ELAC2: variants seen among roughly 807,000 people sequenced by gnomAD.
ELAC2 encodes zinc phosphodiesterase ELAC protein 2.
Under a neutral mutation model 105.2 loss-of-function variants are expected in ELAC2, and 92 were observed. That is an observed-to-expected ratio of 0.87 (90% CI 0.74 to 1.04). The LOEUF (loss-of-function observed/expected upper bound fraction) is 1.04. Among genes scored for constraint, ELAC2 ranks in the 50% least tolerant of loss-of-function variants. The pLI, the probability that ELAC2 is intolerant of heterozygous loss-of-function variation, is 0.00. For synonymous variants in ELAC2, 468 were observed against 409.1 expected (o/e 1.14, Z -1.74); for missense variants, 1,099 against 1,071.7 (o/e 1.03, Z -0.36).
chr17:12,993,849 A>G lies in ELAC2; in HGVS notation c.2109-18T>C. ...ACGTTGTGCTGCAGGTGAAGGACAG[A>G]GCAGACTGAAGCTGAACTCAACTGC... On this transcript the variant is annotated intron_variant, in intron 22 of 23. Coordinates refer to ENST00000338034, the MANE Select transcript of ELAC2 (RefSeq NM_018127.7). The G allele has an allele frequency of 3.7e-6, 6 of 1,614,120 alleles. No homozygotes were observed. The highest frequency in any genetic ancestry group is 5.1e-6 in the Non-Finnish European group (6 of 1,180,012).
intron 14 of ELAC2, among the ~76,000 whole-genome samples, chr17:13,001,574 G>C (rs2143600114): frequency 6.6e-6 from 1 of 152,148 alleles, no homozygotes; most frequent in East Asian, 1.9e-4. Context: ...TCACTTTCCT[G>C]GTTGGATTGT....
At position 13,017,087 on chromosome 17, in the gene ELAC2, G is replaced by A. The variant is rs1332530665; in HGVS notation, c.280C>T (p.Leu94Phe). ...CTGACTCACTTGTGCTCCTGCATGAGTCTCTGAACGCCTTCTCCACAGTTG... is the reference window on the plus strand; with the variant it reads ...CTGACTCACTTGTGCTCCTGCATGAATCTCTGAACGCCTTCTCCACAGTTG... ...LFNCGEGVQR[L>F]MQEHKLKVAR... The change falls in exon 2 of 24, where the codon CTC becomes TTC. Residue 94 changes from leucine (L) to phenylalanine (F), a missense_variant. Coordinates refer to ENST00000338034, the MANE Select transcript of ELAC2 (RefSeq NM_018127.7). 6.2e-7 allele frequency: 1 copy of A among 1,613,952 alleles called. No homozygotes were observed. The highest frequency in any genetic ancestry group is 1.7e-5 in the Admixed American group (1 of 59,992).
At chr17:13,001,830 A>G (rs1157366801) in intron 14 of ELAC2, among the ~76,000 whole-genome samples, 1 of 152,256 alleles carries the variant, frequency 6.6e-6, no homozygotes, top group Non-Finnish European at 1.5e-5. Flanking sequence ...CTGTTTAGTG[A>G]TACAGGAAAA....
intron 8 of ELAC2, among the ~76,000 whole-genome samples, chr17:13,009,331 T>G (rs922434791): frequency 6.6e-6 from 1 of 152,224 alleles, no homozygotes; most frequent in Non-Finnish European, 1.5e-5. Flanking sequence ...AAAAATAATC[T>G]AAGCCCACAA....
rs752535379 is a variant in ELAC2, at chr17:12,995,953, C to A, written c.1685G>T (p.Arg562Ile). Residue 562 changes from arginine to isoleucine, a missense_variant, in exon 18 of 24, where the codon AGA becomes ATA. Physicochemically the swap from Arg to Ile is moderately conservative, Grantham distance 97. Transcript: ENST00000338034. ...HTGLPSILLQ[R>I]ERALASLGKP... is the part of the protein sequence containing the mutation. ...TGCCACACTTACCAAGGCGCGTTCT[C>A]TCTGCAGCAAGATACTTGGCAAGCC... 1 of 1,596,606 alleles carries A rather than the reference C, an allele frequency of 6.3e-7. No homozygotes were observed.
rs746908751 is a variant in ELAC2 at position 13,000,288 on chromosome 17, G to C, written c.1305-14C>G. The stretch of plus-strand genomic sequence containing the variant: ...ATAATGGCATCCCTGCAGGAAGAGA[G>C]AGAAGCATCTCAGGTGACGGACAGG... On this transcript the variant is annotated splice_polypyrimidine_tract_variant and intron_variant, in intron 14 of 23. Coordinates refer to ENST00000338034, the MANE Select transcript of ELAC2 (RefSeq NM_018127.7). 1.9e-6 allele frequency: 3 copies of C among 1,611,700 alleles called. No homozygotes were observed. Among genetic ancestry groups the C allele is most frequent in the African/African-American group, 1.3e-5 (1 of 74,880 alleles).
intron 15 of ELAC2, among the ~76,000 whole-genome samples, chr17:12,999,726 T>C (rs1325870037): frequency 6.6e-6 from 1 of 152,004 alleles, no homozygotes; most frequent in Admixed American, 6.6e-5. Flanking sequence ...TGGCACGACC[T>C]TGGCTCACTG....
chr17:13,009,156 G>C (rs945214913), intron 8 of ELAC2, among the ~76,000 whole-genome samples: 1 of 152,168 alleles, frequency 6.6e-6, no homozygotes, highest in African/African-American at 2.4e-5. Context: ...CCTGTTAACA[G>C]TAGTACTTAA....
intron 6 of ELAC2, 88 bp downstream of exon 6, chr17:13,013,119 C>A: frequency 6.8e-7 from 1 of 1,465,682 alleles, no homozygotes; most frequent in Non-Finnish European, 9.5e-7. Flanking sequence ...AGGGTGCCCA[C>A]AGCAAGTGTT....
At chr17:13,009,418 T>C (rs961467391) in intron 8 of ELAC2, among the ~76,000 whole-genome samples, 10 of 152,374 alleles carry the variant, frequency 6.6e-5, no homozygotes, top group African/African-American at 2.4e-4. Context: ...TGCAAAATTC[T>C]ATTAAAAATA....
chr17:13,013,189 C>A lies in ELAC2; in HGVS notation c.559+18G>T. ...GGACGTACACCCTCCTCCTGGGAAA[C>A]CTGGCTTTCATACTCACTGTGTATG... On this transcript the variant is annotated intron_variant, in intron 6 of 23. Transcript: ENST00000338034. The A allele has an allele frequency of 6.2e-7, 1 of 1,614,122 alleles. No individual in the cohort carries two copies. The highest frequency in any genetic ancestry group is 8.5e-7 in the Non-Finnish European group (1 of 1,179,968).
At chr17:13,006,614 G>A (rs1271840291) in intron 8 of ELAC2, 2 of 156,890 alleles carry the variant, frequency 1.3e-5, no homozygotes, top group South Asian at 3.7e-4. Flanking sequence ...GAGAAACACT[G>A]TTCTGTCATT....
chr17:13,003,311 G>A, intron 12 of ELAC2, 168 bp downstream of exon 12: 1 of 708,472 alleles, frequency 1.4e-6, no homozygotes. Context: ...CTTCACGAGT[G>A]TAGCACAGAT....
intron 17 of ELAC2, 124 bp from the exon 18 acceptor site, chr17:12,996,102 G>GCCGCA (rs1043171104): frequency 1.9e-6 from 2 of 1,051,384 alleles, no homozygotes; most frequent in Non-Finnish European, 2.8e-6. Flanking sequence ...CTCTAACACA[G>GCCGCA]CCGCAGTGGG....
At chr17:12,993,159 G>A in intron 23 of ELAC2, 114 bp from the exon 24 acceptor site, 1 of 1,131,496 alleles carries the variant, frequency 8.8e-7, no homozygotes, top group East Asian at 2.4e-5. Flanking sequence ...CCCTTCCTTG[G>A]CACAAGCCAA....
chr17:12,995,600 G>T, intron 19 of ELAC2, 103 bp downstream of exon 19: 1 of 1,155,448 alleles, frequency 8.7e-7, no homozygotes, highest in Non-Finnish European at 1.3e-6. Context: ...CAAGGGCAAG[G>T]CTGCTGGGGG....
chr17:12,995,566 T>C (rs1479271681), intron 19 of ELAC2, 137 bp downstream of exon 19: 3 of 811,150 alleles, frequency 3.7e-6, no homozygotes, highest in Non-Finnish European at 6.2e-6. Flanking sequence ...ACTTCTCCCC[T>C]GCTTCTGCCA....
rs1042867271 is a variant in ELAC2, at chr17:12,992,386, C to T, written c.*432G>A. The T allele has an allele frequency of 3.9e-5, 14 of 360,510 alleles. No individual in the cohort carries two copies. The highest frequency in any genetic ancestry group is 2.6e-4 in the Admixed American group (6 of 22,724). The allele number at this position is 360,510 out of a possible 1,614,324, so 22.3% of individuals were successfully genotyped here. ...AGCAGCAGGAGGAAGCAAAAGAACT[C>T]ACAATTGCAAACTCAATCTTTATTG... On this transcript the variant is annotated 3_prime_UTR_variant, in exon 24 of 24. Coordinates refer to ENST00000338034, the MANE Select transcript of ELAC2 (RefSeq NM_018127.7).
rs1057400573 is a variant in ELAC2 at position 12,996,075 on chromosome 17, C to G, written c.1660-97G>C. The G allele has an allele frequency of 2.2e-6, 3 of 1,342,452 alleles. No individual in the cohort carries two copies. In the African/African-American group the frequency reaches 4.4e-5, roughly 19 times the overall value. The allele number at this position is 1,342,452 out of a possible 1,614,324, so 83.2% of individuals were successfully genotyped here. A position where few individuals can be genotyped will look rare whatever the true frequency, so the allele number is the denominator to read the frequency against. ...CTCTCTCTTGCAGGAGTTGCCAGCC[C>G]GACGTCACCCACCAGCCTCTAACAC... On this transcript the variant is annotated intron_variant, in intron 17 of 23. Coordinates refer to ENST00000338034, the MANE Select transcript of ELAC2 (RefSeq NM_018127.7).
Sources: gnomAD v4.1 joint callset for allele counts (sites outside exome capture counted in the v4.1 genomes callset) on GRCh38, gnomAD v4.1.1 for gene constraint, MANE v1.5 for transcripts, NCBI Gene and HGNC (gene_info 2026-07-23, HGNC 2026-07-21) for gene names.